The following RNF44 variants were observed in gnomAD, a reference collection of about 807,000 sequenced individuals.
The protein encoded by RNF44 is ring finger protein 44.
A neutral mutation model predicts 53.6 loss-of-function variants in RNF44; 25 were observed. That is an observed-to-expected ratio of 0.47 (90% CI 0.34 to 0.65). The LOEUF (loss-of-function observed/expected upper bound fraction) is 0.65, where lower values mean the gene tolerates loss of function less well. Ranked by LOEUF, RNF44 falls within the 30% of genes least tolerant of loss-of-function variation. The pLI is 0.01. For missense variants in RNF44, 581 were observed against 595.5 expected (o/e 0.98, Z 0.25); for synonymous variants, 282 against 252.2 (o/e 1.12, Z -1.12).
rs1016750250 is a variant in RNF44 at position 176,531,322 on chromosome 5, T to TG, written c.465+140dup. 11 of 795,210 alleles carry TG rather than the reference T, an allele frequency of 1.4e-5. No homozygotes were observed. The Admixed American group carries it at 1.7e-4, about 12-fold the overall frequency. 49.3% of individuals were successfully genotyped at this position (795,210 alleles called of 1,614,324 possible). On this transcript the variant is annotated intron_variant, in intron 4 of 10. Transcript: ENST00000274811. The surrounding 1 kb of genome is among the most constrained non-coding windows in gnomAD (Gnocchi z 4.2). Reference sequence around the variant, plus strand: ...AAATGTGAACACGCGTATGCTTTCCTGGGGAGGCCAGGCAGGCGCTCTGAC... The same window carrying TG: ...AAATGTGAACACGCGTATGCTTTCCTGGGGGAGGCCAGGCAGGCGCTCTGAC...
At chr5:176,535,878 T>TCCCGTCGCTGAGC (rs1757112758) in intron 1 of RNF44, 1 of 152,024 alleles carries the variant, frequency 6.6e-6, no homozygotes, top group Admixed American at 6.6e-5. Flanking sequence ...GTCTTGAGAG[T>TCCCGTCGCTGAGC]CCCGTCGCTG....
At position 176,530,665 on chromosome 5, in the gene RNF44, C is replaced by A. The variant is rs760191062; in HGVS notation, c.718G>T (p.Ala240Ser). Residue 240 changes from alanine to serine, a missense_variant, in exon 6 of 11, where the codon GCG becomes TCG. Coordinates refer to ENST00000274811, the MANE Select transcript of RNF44 (RefSeq NM_014901.5). ...SLGSFTYSTS[A>S]PGPALSPSVP... ...GACGGGGAAAGGGCTGGGCCAGGCG[C>A]AGAGGTGGAGTAGGTGAAGCTGCCC... 6.5e-7 allele frequency: 1 copy of A among 1,535,540 alleles called. No individual in the cohort carries two copies. Among genetic ancestry groups the A allele is most frequent in the African/African-American group, 1.4e-5 (1 of 71,190 alleles).
At chr5:176,536,552 T>G (rs1757198907) in intron 1 of RNF44, among the ~76,000 whole-genome samples, 1 of 151,940 alleles carries the variant, frequency 6.6e-6, no homozygotes, top group Non-Finnish European at 1.5e-5. Flanking sequence ...CCTACTCTTT[T>G]GCGCCGCTCT....
rs1189170052 is a variant in RNF44, at chr5:176,531,255, G to A, written c.465+208C>T. The stretch of plus-strand genomic sequence containing the variant: ...TCTGCCAAGCTGTGAGGCAGGTACA[G>A]GGGTACTGGAAGGTTCCTGAACCTT... On this transcript the variant is annotated intron_variant, in intron 4 of 10. Coordinates refer to ENST00000274811, the MANE Select transcript of RNF44 (RefSeq NM_014901.5). The surrounding 1 kb of genome is among the most constrained non-coding windows in gnomAD (Gnocchi z 4.2). Among the ~76,000 whole-genome samples the A allele has an allele frequency of 6.6e-6, 1 of 152,156 alleles. No individual in the cohort carries two copies. Among genetic ancestry groups the A allele is most frequent in the Non-Finnish European group, 1.5e-5 (1 of 67,962 alleles).
At chr5:176,532,286 G>A (rs1383927729) in intron 2 of RNF44, 80 bp downstream of exon 2, 16 of 1,522,228 alleles carry the variant, frequency 1.1e-5, no homozygotes, top group Non-Finnish European at 1.4e-5. Flanking sequence ...CCCATGGGGA[G>A]GGAAGGCAGC....
chr5:176,536,085 T>A (rs1757138909), intron 1 of RNF44: 1 of 152,248 alleles, frequency 6.6e-6, no homozygotes, highest in Non-Finnish European at 1.5e-5. Flanking sequence ...CCTGGGGGCA[T>A]GAGCAGACTC....
chr5:176,532,675 G>A (rs1232593343), intron 1 of RNF44, among the ~76,000 whole-genome samples, 159 bp from the exon 2 acceptor site: 2 of 142,098 alleles, frequency 1.4e-5, no homozygotes, highest in Non-Finnish European at 3.0e-5. Context: ...CCCGGGAGGC[G>A]GAGGTTGCAG....
chr5:176,533,478 A>AG, intron 1 of RNF44, among the ~76,000 whole-genome samples: 1 of 152,282 alleles, frequency 6.6e-6, no homozygotes, highest in Middle Eastern at 3.4e-3. Flanking sequence ...GGCCAAAGAA[A>AG]GCCTCTCCCT....
the RNF44 span, among the ~76,000 whole-genome samples, chr5:176,543,213 C>T: frequency 6.8e-6 from 1 of 147,810 alleles, no homozygotes; most frequent in Non-Finnish European, 1.5e-5. This position sits in a 1 kb window ranked among gnomAD's most constrained non-coding sequence, Gnocchi z 4.0. Context: ...GCGTGCTCGC[C>T]GGCCCTGCGC....
At chr5:176,533,599 G>A (rs1756907887) in intron 1 of RNF44, among the ~76,000 whole-genome samples, 1 of 152,156 alleles carries the variant, frequency 6.6e-6, no homozygotes, top group South Asian at 2.1e-4. Context: ...CTTGCTCTGG[G>A]GCCCCCAACC....
At chr5:176,534,066 C>A (rs1756950414) in intron 1 of RNF44, among the ~76,000 whole-genome samples, 1 of 152,240 alleles carries the variant, frequency 6.6e-6, no homozygotes, top group African/African-American at 2.4e-5. Context: ...CTTCACAAGC[C>A]TGGGCCCTGC....
chr5:176,532,484 G>A lies in RNF44; in HGVS notation c.-12C>T, dbSNP rs777563582. 4.5e-6 allele frequency: 7 copies of A among 1,564,176 alleles called. No individual in the cohort carries two copies. The highest frequency in any genetic ancestry group is 4.1e-5 in the African/African-American group (3 of 74,004). ...GCCCATGGTCGCATCGGGGGGGCAG[G>A]GGGGTGGAGGGGCTGGGCCGGGACT... is the stretch of plus-strand genomic sequence containing the variant. On this transcript the variant is annotated 5_prime_UTR_variant, in exon 2 of 11. Transcript: ENST00000274811.
chr5:176,530,645 G>C lies in RNF44; in HGVS notation c.738C>G (p.Ser246=), dbSNP rs889655154. 2 of 1,524,278 alleles carry C rather than the reference G, an allele frequency of 1.3e-6. No homozygotes were observed. Among genetic ancestry groups the C allele is most frequent in the African/African-American group, 1.4e-5 (1 of 70,018 alleles). 94.4% of individuals were successfully genotyped at this position (1,524,278 alleles called of 1,614,324 possible). ...GCAGGTAGTGCAGGGGCACCGACGG[G>C]GAAAGGGCTGGGCCAGGCGCAGAGG... is the stretch of plus-strand genomic sequence containing the variant. ...YSTSAPGPAL[S]PSVPLHYLPH... is the part of the protein sequence containing the mutation. Residue 246 remains serine, a synonymous_variant, in exon 6 of 11, where the codon TCC becomes TCG. Transcript: ENST00000274811.
chr5:176,530,779 G>C (rs1756580634), intron 5 of RNF44, 36 bp from the exon 6 acceptor site: 1 of 1,499,418 alleles, frequency 6.7e-7, no homozygotes. Flanking sequence ...AAGTCAGTGA[G>C]ACGAGGCTGT....
At chr5:176,535,327 G>T (rs1346774973) in intron 1 of RNF44, among the ~76,000 whole-genome samples, 1 of 152,194 alleles carries the variant, frequency 6.6e-6, no homozygotes, top group African/African-American at 2.4e-5. Context: ...CATTATTAGC[G>T]AATACGACAC....
rs1224728220 is a variant in RNF44 at position 176,537,212 on chromosome 5, C to G, written c.-317G>C. ...CAGGCCCTCAGGGAGCGGGAGGCGGCGCAGGACGCAGCTGGGTCTGCGCGG... is the reference window on the plus strand; with the variant it reads ...CAGGCCCTCAGGGAGCGGGAGGCGGGGCAGGACGCAGCTGGGTCTGCGCGG... On this transcript the variant is annotated 5_prime_UTR_variant, in exon 1 of 11. Transcript: ENST00000274811. 1.3e-5 allele frequency: 2 copies of G among 152,356 alleles called. No homozygotes were observed. The highest frequency in any genetic ancestry group is 3.9e-4 in the East Asian group (2 of 5,188). The allele number at this position is 152,356 out of a possible 1,614,324, so 9.4% of individuals were successfully genotyped here.
chr5:176,528,707 G>A lies in RNF44; in HGVS notation c.*321C>T. 2.4e-6 allele frequency: 1 copy of A among 417,620 alleles called. No homozygotes were observed. The highest frequency in any genetic ancestry group is 4.3e-6 in the Non-Finnish European group (1 of 230,108). 25.9% of individuals were successfully genotyped at this position (417,620 alleles called of 1,614,324 possible). A position where few individuals can be genotyped will look rare whatever the true frequency, so the allele number is the denominator to read the frequency against. The stretch of plus-strand genomic sequence containing the variant: ...AAGGATCTCCACCGGCCCCACTGAG[G>A]GAGCGGACCCCTGGCACTCAGTGCC... On this transcript the variant is annotated 3_prime_UTR_variant, in exon 11 of 11. Transcript: ENST00000274811.
chr5:176,531,902 G>A lies in RNF44; in HGVS notation c.297+102C>T. The A allele has an allele frequency of 2.3e-6, 3 of 1,288,764 alleles. No individual in the cohort carries two copies. Among genetic ancestry groups the A allele is most frequent in the South Asian group, 1.5e-5 (1 of 66,898 alleles). The allele number at this position is 1,288,764 out of a possible 1,614,324, so 79.8% of individuals were successfully genotyped here. On this transcript the variant is annotated intron_variant, in intron 3 of 10. Coordinates refer to ENST00000274811, the MANE Select transcript of RNF44 (RefSeq NM_014901.5). This position sits in a 1 kb window ranked among gnomAD's most constrained non-coding sequence, Gnocchi z 4.2. The stretch of plus-strand genomic sequence containing the variant: ...AAGCAGGGCCAATAATGCCTCCCTG[G>A]AACGTGAAATGAAGCAAGCTAGGTG...
intron 1 of RNF44, among the ~76,000 whole-genome samples, chr5:176,533,314 T>C (rs1276005105): frequency 6.6e-6 from 1 of 152,196 alleles, no homozygotes; most frequent in Non-Finnish European, 1.5e-5. Context: ...TATTCTTTCT[T>C]TCCTTAACCT....
Sources: gnomAD v4.1 joint callset for allele counts (sites outside exome capture counted in the v4.1 genomes callset) on GRCh38, gnomAD v4.1.1 for gene constraint, Gnocchi (gnomAD v3.1) non-coding constraint, MANE v1.5 for transcripts, NCBI Gene and HGNC (gene_info 2026-07-23, HGNC 2026-07-21) for gene names.